Variants in AFG1L observed in about 807,000 individuals in gnomAD.
AFG1L encodes AFG1-like ATPase.
AFG1L carries 53 observed loss-of-function variants against 62.2 expected under a neutral mutation model. That is an observed-to-expected ratio of 0.85 (90% CI 0.68 to 1.07). The LOEUF (loss-of-function observed/expected upper bound fraction) is 1.07. Among genes scored for constraint, AFG1L ranks in the 50% least tolerant of loss-of-function variants. The pLI, the probability that AFG1L is intolerant of heterozygous loss-of-function variation, is 0.00. For synonymous variants in AFG1L, 228 were observed against 210.3 expected, an observed-to-expected ratio of 1.08 and a Z score of -0.73; for missense variants, 555 against 590.5, an observed-to-expected ratio of 0.94 and a Z score of 0.62.
At chr6:108,472,153 G>A (rs1287617266) in intron 8 of AFG1L, among the ~76,000 whole-genome samples, 1 of 152,128 alleles carries the variant, frequency 6.6e-6, no homozygotes, top group Non-Finnish European at 1.5e-5. Flanking sequence ...CAAATACTTA[G>A]AAACAGAGAA....
At chr6:108,441,255 A>G (rs1325766331) in intron 7 of AFG1L, among the ~76,000 whole-genome samples, 1 of 152,196 alleles carries the variant, frequency 6.6e-6, no homozygotes, top group Non-Finnish European at 1.5e-5. Context: ...CTAAAAATAC[A>G]CACAATAGAT....
chr6:108,330,467 C>T (rs1436433893), intron 2 of AFG1L, among the ~76,000 whole-genome samples: 5 of 152,096 alleles, frequency 3.3e-5, no homozygotes, highest in African/African-American at 1.2e-4. Flanking sequence ...AGCCACTGCG[C>T]CTGGCTCATA....
At chr6:108,463,806 G>A (rs770348382) in intron 8 of AFG1L, among the ~76,000 whole-genome samples, 4 of 152,112 alleles carry the variant, frequency 2.6e-5, no homozygotes, top group South Asian at 2.1e-4. Context: ...AACTGATTTC[G>A]TTATGTAAAA....
chr6:108,391,989 CATT>C (rs1781077038), intron 6 of AFG1L: 1 of 151,996 alleles, frequency 6.6e-6, no homozygotes, highest in African/African-American at 2.4e-5. Flanking sequence ...ACCATGAACA[CATT>C]ATTTTTTATT....
intron 7 of AFG1L, among the ~76,000 whole-genome samples, chr6:108,422,385 A>G (rs1770628483): frequency 6.6e-6 from 1 of 150,774 alleles, no homozygotes; most frequent in African/African-American, 2.4e-5. Context: ...CTGAAACAAT[A>G]AGTCACCTAA....
At chr6:108,349,362 T>C (rs1251494068) in intron 3 of AFG1L, among the ~76,000 whole-genome samples, 1 of 151,926 alleles carries the variant, frequency 6.6e-6, no homozygotes. Context: ...CATGTGCCTA[T>C]AGTCCCAATT....
intron 2 of AFG1L, among the ~76,000 whole-genome samples, chr6:108,331,319 A>C (rs1778270980): frequency 6.6e-6 from 1 of 152,140 alleles, no homozygotes; most frequent in Non-Finnish European, 1.5e-5. Context: ...ACAAAACACA[A>C]ATAGACTTCA....
At chr6:108,402,979 G>GCCT (rs1236424156) in intron 7 of AFG1L, among the ~76,000 whole-genome samples, 1 of 151,896 alleles carries the variant, frequency 6.6e-6, no homozygotes, top group Non-Finnish European at 1.5e-5. Flanking sequence ...GAATAAAATA[G>GCCT]CCTCCTTTTT....
chr6:108,405,590 G>C (rs1781816176), intron 7 of AFG1L, among the ~76,000 whole-genome samples: 1 of 152,098 alleles, frequency 6.6e-6, no homozygotes, highest in Non-Finnish European at 1.5e-5. Context: ...CAAGTGATTT[G>C]CCTGCCTCCA....
At chr6:108,492,345 G>A (rs1004240806) in intron 10 of AFG1L, among the ~76,000 whole-genome samples, 4 of 152,158 alleles carry the variant, frequency 2.6e-5, no homozygotes, top group Non-Finnish European at 5.9e-5. Context: ...TCTACTGAGG[G>A]TACAATCAGG....
At chr6:108,386,352 T>C (rs980333582) in intron 6 of AFG1L, among the ~76,000 whole-genome samples, 3 of 151,972 alleles carry the variant, frequency 2.0e-5, no homozygotes, top group Non-Finnish European at 2.9e-5. Context: ...TCCCAGCTAT[T>C]TGGGGGGCTG....
At chr6:108,418,654 C>T (rs967897488) in intron 7 of AFG1L, among the ~76,000 whole-genome samples, 57 of 152,046 alleles carry the variant, frequency 3.7e-4, no homozygotes, top group Non-Finnish European at 6.8e-4. Flanking sequence ...GATAGTGATT[C>T]GGTATCAATT....
chr6:108,380,882 A>C (rs1780477066), intron 6 of AFG1L, among the ~76,000 whole-genome samples: 1 of 152,144 alleles, frequency 6.6e-6, no homozygotes, highest in Non-Finnish European at 1.5e-5. Context: ...TTTCTCACAT[A>C]CTGGGGCTTC....
intron 7 of AFG1L, among the ~76,000 whole-genome samples, chr6:108,446,096 ACACACACC>A (rs1380325092): frequency 4.0e-5 from 5 of 125,850 alleles, no homozygotes; most frequent in East Asian, 2.4e-4. Context: ...ACACACACAC[ACACACACC>A]CCTACATATA....
intron 3 of AFG1L, among the ~76,000 whole-genome samples, chr6:108,354,747 A>C (rs1181309928): frequency 1.3e-5 from 2 of 152,132 alleles, no homozygotes; most frequent in Non-Finnish European, 2.9e-5. Flanking sequence ...CATGCTACTC[A>C]GGATAGCCAC....
chr6:108,356,648 G>A, intron 4 of AFG1L, 42 bp from the exon 5 acceptor site: 1 of 1,409,930 alleles, frequency 7.1e-7, no homozygotes, highest in Non-Finnish European at 9.6e-7. Context: ...TGTCTAAAAA[G>A]TACTAATATA....
intron 8 of AFG1L, among the ~76,000 whole-genome samples, chr6:108,456,706 A>G (rs765977029): frequency 1.3e-5 from 2 of 152,140 alleles, no homozygotes; most frequent in African/African-American, 4.8e-5. Flanking sequence ...TATACATCTC[A>G]TATAAATGGA....
chr6:108,340,171 G>T, intron 2 of AFG1L, among the ~76,000 whole-genome samples: 1 of 151,646 alleles, frequency 6.6e-6, no homozygotes, highest in East Asian at 1.9e-4. Flanking sequence ...TCTGTGCCTG[G>T]CTTATTTCAC....
At chr6:108,304,167 TA>T (rs781209877) in intron 1 of AFG1L, among the ~76,000 whole-genome samples, 1 of 152,210 alleles carries the variant, frequency 6.6e-6, no homozygotes, top group Admixed American at 6.5e-5. Flanking sequence ...AAGCCTTTTA[TA>T]AATAAAGTAA....
Sources: allele counts gnomAD v4.1 joint callset (sites outside exome capture counted in the v4.1 genomes callset), GRCh38; gene constraint gnomAD v4.1.1; transcripts MANE v1.5; gene names NCBI Gene and HGNC (gene_info 2026-07-23, HGNC 2026-07-21).